Variants in CMIP observed in about 807,000 individuals in gnomAD.
The protein encoded by CMIP is C-Maf-inducing protein.
CMIP carries 13 observed loss-of-function variants against 97.3 expected under a neutral mutation model. The observed-to-expected ratio is 0.13, with a 90% CI of 0.09 to 0.21. CMIP has a LOEUF of 0.21. CMIP is among the 10% of genes least tolerant of loss of function. CMIP has a pLI of 1.00. For missense variants in CMIP, 847 were observed against 1,024.9 expected, an observed-to-expected ratio of 0.83 and a Z score of 2.37; for synonymous variants, 538 against 436.3, an observed-to-expected ratio of 1.23 and a Z score of -2.91.
intron 1 of CMIP, among the ~76,000 whole-genome samples, chr16:81,478,979 C>A (rs1252962547): frequency 1.3e-5 from 2 of 152,200 alleles, no homozygotes; most frequent in African/African-American, 4.8e-5. Flanking sequence ...GAGGACAGCA[C>A]CTGCCACCTT....
chr16:81,478,391 G>T (rs1386667433), intron 1 of CMIP, among the ~76,000 whole-genome samples: 1 of 152,180 alleles, frequency 6.6e-6, no homozygotes, highest in Non-Finnish European at 1.5e-5. Flanking sequence ...CCGAGATTTT[G>T]GCGTCCTGTA....
Position 81,507,594 on chromosome 16 carries a change from G to A in CMIP, c.300+62053G>A, listed in dbSNP as rs1597486829. The stretch of plus-strand genomic sequence containing the variant: ...TGTAAAACATGGCTCCCCTTTGTGG[G>A]AACATCCACTTTAGACAATTTGGTG... On this transcript the variant is annotated intron_variant, in intron 1 of 20. Coordinates refer to ENST00000537098, the MANE Select transcript of CMIP (RefSeq NM_198390.3). Among the ~76,000 whole-genome samples, 3 of 152,204 alleles carry A rather than the reference G, an allele frequency of 2.0e-5. No individual in the cohort carries two copies. The South Asian group carries it at 6.2e-4, about 32-fold the overall frequency.
intron 10 of CMIP, among the ~76,000 whole-genome samples, chr16:81,682,187 G>C (rs1476169189): frequency 2.0e-5 from 3 of 151,954 alleles, no homozygotes; most frequent in Non-Finnish European, 2.9e-5. Flanking sequence ...CTGGGTGACA[G>C]AGCAAGACTC....
chr16:81,672,440 T>G (rs895200772), intron 9 of CMIP, among the ~76,000 whole-genome samples: 2 of 152,246 alleles, frequency 1.3e-5, no homozygotes, highest in African/African-American at 4.8e-5. Flanking sequence ...CACATACATG[T>G]GACTGTGTGT....
Position 81,445,091 on chromosome 16 carries a change from G to A in CMIP, c.-151G>A, listed in dbSNP as rs1597437276. The A allele has an allele frequency of 3.4e-6, 1 of 297,130 alleles. No individual in the cohort carries two copies. The highest frequency in any genetic ancestry group is 5.5e-5 in the East Asian group (1 of 18,268). The allele number at this position is 297,130 out of a possible 1,614,324, so 18.4% of individuals were successfully genotyped here. ...GCACGCGCCGCCCCCCGCGGGCAGC[G>A]CCCCCTCCCCTGCGGGCGCCCCCAG... On this transcript the variant is annotated 5_prime_UTR_variant, in exon 1 of 21. Transcript: ENST00000537098.
intron 1 of CMIP, among the ~76,000 whole-genome samples, chr16:81,585,059 C>T (rs974211595): frequency 1.3e-5 from 2 of 152,184 alleles, no homozygotes; most frequent in Non-Finnish European, 2.9e-5. Flanking sequence ...ATGTACAGTT[C>T]GGCCAGGCAT....
chr16:81,483,839 A>G (rs1435225909), intron 1 of CMIP, among the ~76,000 whole-genome samples: 2 of 152,200 alleles, frequency 1.3e-5, no homozygotes, highest in African/African-American at 4.8e-5. Flanking sequence ...GCAGCATGTT[A>G]TCTGTCCAGG....
chr16:81,611,940 C>T (rs1240813149), intron 2 of CMIP, among the ~76,000 whole-genome samples: 3 of 152,194 alleles, frequency 2.0e-5, no homozygotes, highest in Admixed American at 6.5e-5. Flanking sequence ...AGCCTTCCAG[C>T]GTGGGTCCAG....
At position 81,498,357 on chromosome 16, in the gene CMIP, G is replaced by A. The variant is rs559261963; in HGVS notation, c.300+52816G>A. Among the ~76,000 whole-genome samples the A allele has an allele frequency of 3.0e-4, 45 of 152,316 alleles. No individual in the cohort carries two copies. In the South Asian group the frequency reaches 7.5e-3, roughly 25 times the overall value. ...AGCTTCCTGAGGACGGTCCAGTGCC[G>A]GGGGCTGGGCACAGGCCTGAGTGAG... On this transcript the variant is annotated intron_variant, in intron 1 of 20. Coordinates refer to ENST00000537098, the MANE Select transcript of CMIP (RefSeq NM_198390.3).
intron 1 of CMIP, among the ~76,000 whole-genome samples, chr16:81,471,391 T>C (rs929104540): frequency 1.3e-5 from 2 of 149,924 alleles, no homozygotes; most frequent in Non-Finnish European, 3.0e-5. Flanking sequence ...TGCATATGCA[T>C]ATACACGTAC....
At chr16:81,533,072 C>T (rs2090270933) in intron 1 of CMIP, among the ~76,000 whole-genome samples, 2 of 152,158 alleles carry the variant, frequency 1.3e-5, no homozygotes, top group South Asian at 2.1e-4. Context: ...TTGATCATTC[C>T]ATCCATCCAA....
At chr16:81,544,680 T>C (rs1292213033) in intron 1 of CMIP, among the ~76,000 whole-genome samples, 2 of 151,664 alleles carry the variant, frequency 1.3e-5, no homozygotes, top group Non-Finnish European at 2.9e-5. Flanking sequence ...GTGTGGTGTA[T>C]GGGTATTTGT....
At chr16:81,660,745 T>G in intron 5 of CMIP, 139 bp from the exon 6 acceptor site, 1 of 924,954 alleles carries the variant, frequency 1.1e-6, no homozygotes, top group Non-Finnish European at 1.7e-6. Flanking sequence ...TTTTTTCTGC[T>G]TTTAATATGA....
intron 1 of CMIP, among the ~76,000 whole-genome samples, chr16:81,544,773 G>A (rs542547144): frequency 6.6e-5 from 10 of 151,976 alleles, no homozygotes; most frequent in Admixed American, 3.9e-4. Flanking sequence ...GGAGTGTTGC[G>A]TGTGTGCACG....
chr16:81,704,232 GC>G (rs1199159009), intron 18 of CMIP, 147 bp downstream of exon 18: 23 of 428,496 alleles, frequency 5.4e-5, no homozygotes, highest in Non-Finnish European at 7.7e-5. Flanking sequence ...CCTCCTCCCT[GC>G]CCCCCTTACT....
chr16:81,501,875 G>A (rs1567547068), intron 1 of CMIP, among the ~76,000 whole-genome samples: 1 of 152,182 alleles, frequency 6.6e-6, no homozygotes, highest in Non-Finnish European at 1.5e-5. Context: ...GCCTCCCAAA[G>A]TGCTGGGGTT....
chr16:81,517,169 C>T (rs1399065972), intron 1 of CMIP, among the ~76,000 whole-genome samples: 1 of 149,978 alleles, frequency 6.7e-6, no homozygotes, highest in Non-Finnish European at 1.5e-5. Context: ...ACCCAGACGG[C>T]CTCCAAGGTC....
In CMIP at chr16:81,547,015, G is replaced by T. The variant is rs186689888; in HGVS notation, c.301-60552G>T. Among the ~76,000 whole-genome samples, 202 of 152,270 alleles carry T rather than the reference G, an allele frequency of 1.3e-3. 1 individual carries two copies. Among genetic ancestry groups the T allele is most frequent in the African/African-American group, 4.7e-3 (195 of 41,554 alleles). On this transcript the variant is annotated intron_variant, in intron 1 of 20. Transcript: ENST00000537098. ...TCCCCCGGGAGTGCACAGCCTTGCG[G>T]TATTAAAGACCGGCACATATTCTGT...
intron 1 of CMIP, among the ~76,000 whole-genome samples, chr16:81,585,662 A>G (rs12597056): frequency 0.032 from 4,134 of 127,576 alleles, 146 homozygotes; most frequent in African/African-American, 0.081. Context: ...TTAACGGCAG[A>G]CACCGCATGG....
Sources: allele counts gnomAD v4.1 joint callset (sites outside exome capture counted in the v4.1 genomes callset), GRCh38; gene constraint gnomAD v4.1.1; transcripts MANE v1.5; gene names NCBI Gene and HGNC (gene_info 2026-07-23, HGNC 2026-07-21).